The following LINGO2 variants were observed in gnomAD, a reference collection of about 807,000 sequenced individuals.
LINGO2 encodes leucine rich repeat and Ig domain containing 2.
LINGO2 carries 14 observed loss-of-function variants against 30.6 expected under a neutral mutation model. That is an observed-to-expected ratio of 0.46 (90% CI 0.30 to 0.72). The LOEUF (loss-of-function observed/expected upper bound fraction) is 0.72. Among genes scored for constraint, LINGO2 ranks in the 30% least tolerant of loss-of-function variants. LINGO2 has a pLI of 0.07. For missense variants in LINGO2, 729 were observed against 751.7 expected (o/e 0.97, Z 0.35); for synonymous variants, 317 against 288.5 (o/e 1.10, Z -1.00).
chr9:28,284,825 T>C (rs1823450471), intron 4 of LINGO2, among the ~76,000 whole-genome samples: 1 of 152,202 alleles, frequency 6.6e-6, no homozygotes, highest in African/African-American at 2.4e-5. Flanking sequence ...TGGTAATCTA[T>C]GGCTGTAAAG....
the LINGO2 span, among the ~76,000 whole-genome samples, chr9:28,757,150 C>A: frequency 1.3e-5 from 2 of 152,036 alleles, no homozygotes; most frequent in African/African-American, 4.8e-5. Flanking sequence ...AAGTATTGGG[C>A]ATCTCCAGCT....
At chr9:28,241,514 C>T (rs1212288451) in intron 4 of LINGO2, among the ~76,000 whole-genome samples, 1 of 152,076 alleles carries the variant, frequency 6.6e-6, no homozygotes, top group Non-Finnish European at 1.5e-5. Context: ...CTGAGAGCCA[C>T]AGGGGGCAGG....
intron 5 of LINGO2, among the ~76,000 whole-genome samples, chr9:27,973,300 C>T (rs1015905369): frequency 2.1e-4 from 32 of 152,196 alleles, no homozygotes; most frequent in African/African-American, 7.7e-4. Context: ...AGAAGTCATC[C>T]TGGAAGAGTA....
the LINGO2 span, among the ~76,000 whole-genome samples, chr9:28,877,994 A>G: frequency 6.6e-6 from 1 of 152,074 alleles, no homozygotes; most frequent in African/African-American, 2.4e-5. Context: ...ATTCCTAGGT[A>G]TTTTATTCTC....
rs145271994 is a variant in LINGO2, at chr9:28,515,888, G to A, written c.-364-39863C>T. 2.7e-3 allele frequency among the ~76,000 whole-genome samples: 406 copies of A among 152,274 alleles called. 5 individuals carry two copies. The highest frequency in any genetic ancestry group is 2.5e-3 in the Non-Finnish European group (170 of 68,028). On this transcript the variant is annotated intron_variant, in intron 1 of 5. Transcript: ENST00000379992. The stretch of plus-strand genomic sequence containing the variant: ...ATAGACAAATCTTGTGAAAGGAAGA[G>A]TCAATTGATGCAGCAAACTTCTTTT...
chr9:28,498,193 A>T (rs1819730375), intron 1 of LINGO2, among the ~76,000 whole-genome samples: 2 of 152,178 alleles, frequency 1.3e-5, no homozygotes, highest in African/African-American at 2.4e-5. Flanking sequence ...GCTGTCAGAC[A>T]GGGACATTTA....
chr9:28,806,988 T>A, the LINGO2 span, among the ~76,000 whole-genome samples: 1 of 151,426 alleles, frequency 6.6e-6, no homozygotes, highest in Middle Eastern at 3.5e-3. Context: ...AGGTCTCATG[T>A]GAAAAACATT....
the LINGO2 span, among the ~76,000 whole-genome samples, chr9:29,008,709 G>A: frequency 2.6e-5 from 4 of 152,050 alleles, no homozygotes; most frequent in East Asian, 7.7e-4. Flanking sequence ...GTGTCTGTTG[G>A]CTGCACAAAT....
intron 5 of LINGO2, among the ~76,000 whole-genome samples, chr9:27,977,927 C>T (rs1486502600): frequency 5.3e-5 from 8 of 152,126 alleles, no homozygotes; most frequent in Middle Eastern, 3.4e-3. Context: ...TGTTGCAAGC[C>T]GTTTGTCCCA....
At chr9:28,745,655 G>A in the LINGO2 span, among the ~76,000 whole-genome samples, 2 of 151,954 alleles carry the variant, frequency 1.3e-5, no homozygotes, top group African/African-American at 4.8e-5. Flanking sequence ...ATTGATATGT[G>A]CCATGGACTA....
At chr9:28,315,144 C>T (rs1205111603) in intron 3 of LINGO2, among the ~76,000 whole-genome samples, 6 of 150,642 alleles carry the variant, frequency 4.0e-5, no homozygotes, top group African/African-American at 1.0e-4. Context: ...GACACACTCG[C>T]CTGTAATCCC....
At chr9:28,955,377 G>A in the LINGO2 span, among the ~76,000 whole-genome samples, 1 of 152,222 alleles carries the variant, frequency 6.6e-6, no homozygotes, top group East Asian at 1.9e-4. Flanking sequence ...TCTTCTGTGA[G>A]GCTGATTGAC....
At chr9:28,351,037 A>T (rs1014373249) in intron 3 of LINGO2, among the ~76,000 whole-genome samples, 4 of 152,158 alleles carry the variant, frequency 2.6e-5, no homozygotes, top group African/African-American at 9.7e-5. Context: ...AATGCCCACA[A>T]GAGAAAGCAG....
chr9:29,006,135 C>G, the LINGO2 span, among the ~76,000 whole-genome samples: 132,992 of 151,182 alleles, frequency 0.88, 59,005 homozygotes, highest in Non-Finnish European at 0.93. Context: ...CTAGCAAATA[C>G]TCAATATTCA....
chr9:27,956,832 C>T (rs956736588), intron 5 of LINGO2, among the ~76,000 whole-genome samples: 8 of 152,108 alleles, frequency 5.3e-5, no homozygotes, highest in Non-Finnish European at 7.3e-5. Flanking sequence ...GTGGCTCACA[C>T]GTGTAATCCC....
At chr9:28,150,125 A>C in intron 4 of LINGO2, among the ~76,000 whole-genome samples, 1 of 143,190 alleles carries the variant, frequency 7.0e-6, no homozygotes, top group East Asian at 2.1e-4. Context: ...CCCTGTCTGG[A>C]AAGTGAGGAG....
intron 3 of LINGO2, among the ~76,000 whole-genome samples, chr9:28,372,244 T>A (rs540074881): frequency 2.3e-4 from 35 of 152,338 alleles, no homozygotes; most frequent in African/African-American, 7.9e-4. Flanking sequence ...TGTCCATGAG[T>A]GAGGAAAATA....
chr9:28,079,257 T>G (rs1024398622), intron 4 of LINGO2, among the ~76,000 whole-genome samples: 1 of 152,088 alleles, frequency 6.6e-6, no homozygotes, highest in Admixed American at 6.5e-5. Context: ...CTGAGTAAAA[T>G]TTAACTTAGC....
At chr9:28,669,475 T>C (rs1450536897) in intron 1 of LINGO2, among the ~76,000 whole-genome samples, 1 of 152,112 alleles carries the variant, frequency 6.6e-6, no homozygotes, top group Non-Finnish European at 1.5e-5. Flanking sequence ...CTTTGTTTTT[T>C]TTCTCTGTAA....
Sources: gnomAD v4.1 joint callset for allele counts (sites outside exome capture counted in the v4.1 genomes callset) on GRCh38, gnomAD v4.1.1 for gene constraint, MANE v1.5 for transcripts, NCBI Gene and HGNC (gene_info 2026-07-23, HGNC 2026-07-21) for gene names.